CAST: variants seen among roughly 807,000 people sequenced by gnomAD.
CAST encodes MIR583 host.
A neutral mutation model predicts 119.6 loss-of-function variants in CAST; 76 were observed. The observed-to-expected ratio is 0.64, with a 90% CI of 0.53 to 0.77. CAST has a LOEUF of 0.77. Ranked by LOEUF, CAST falls within the 30% of genes least tolerant of loss-of-function variation. The pLI, the probability that CAST is intolerant of heterozygous loss-of-function variation, is 0.00. For missense variants in CAST, 953 were observed against 946.5 expected (o/e 1.01, Z -0.09); for synonymous variants, 319 against 331.6 (o/e 0.96, Z 0.41).
At chr5:96,078,564 T>A in the CAST span, among the ~76,000 whole-genome samples, 9 of 152,176 alleles carry the variant, frequency 5.9e-5, no homozygotes, top group Non-Finnish European at 1.0e-4. Context: ...CGGCTAATTT[T>A]TTCATATTTT....
At chr5:96,540,847 T>TATAG (rs1745899390) in intron 1 of CAST, among the ~76,000 whole-genome samples, 2 of 152,188 alleles carry the variant, frequency 1.3e-5, no homozygotes, top group African/African-American at 4.8e-5. Context: ...TCATGCATAG[T>TATAG]ATAGAGGTAT....
the CAST span, among the ~76,000 whole-genome samples, chr5:96,099,995 T>C: frequency 6.6e-6 from 1 of 152,214 alleles, no homozygotes; most frequent in African/African-American, 2.4e-5. Context: ...TATGACTGCC[T>C]TAATTTCAGA....
At chr5:96,548,898 G>A (rs1413299287) in intron 1 of CAST, among the ~76,000 whole-genome samples, 1 of 152,216 alleles carries the variant, frequency 6.6e-6, no homozygotes, top group African/African-American at 2.4e-5. Flanking sequence ...GTTCATAGCT[G>A]TCAGGCAGAG....
At chr5:96,107,169 C>G in the CAST span, among the ~76,000 whole-genome samples, 4 of 151,850 alleles carry the variant, frequency 2.6e-5, no homozygotes, top group African/African-American at 9.7e-5. Flanking sequence ...GGTCTTGACT[C>G]TTTATCCAAT....
the CAST span, among the ~76,000 whole-genome samples, chr5:96,149,190 G>A: frequency 6.6e-6 from 1 of 152,192 alleles, no homozygotes; most frequent in African/African-American, 2.4e-5. Context: ...TGTCTGTGAG[G>A]AAGCTGTGTG....
At position 96,637,414 on chromosome 5, in the gene CAST, A is replaced by G. The variant is rs115258600; in HGVS notation, c.61-38125A>G. Reference sequence around the variant, plus strand: ...TACCTTTCTGGAATGTGGCTTTCCAACATTCCAGTGTTCCATTTTCAGTAA... The same window carrying G: ...TACCTTTCTGGAATGTGGCTTTCCAGCATTCCAGTGTTCCATTTTCAGTAA... On this transcript the variant is annotated intron_variant, in intron 1 of 11. Transcript: ENST00000505143. Among the ~76,000 whole-genome samples, 1,430 of 152,298 alleles carry G rather than the reference A, an allele frequency of 9.4e-3. 33 individuals are homozygous for G. The highest frequency in any genetic ancestry group is 0.032 in the African/African-American group (1,349 of 41,554).
At chr5:96,273,227 T>G in the CAST span, among the ~76,000 whole-genome samples, 2 of 152,194 alleles carry the variant, frequency 1.3e-5, no homozygotes, top group Non-Finnish European at 2.9e-5. Flanking sequence ...TTTTCTATTA[T>G]TGGAATTCAA....
chr5:95,983,874 A>G, the CAST span, among the ~76,000 whole-genome samples: 100 of 152,342 alleles, frequency 6.6e-4, no homozygotes, highest in African/African-American at 2.2e-3. Flanking sequence ...AATTTACAGC[A>G]TACACCAAAA....
chr5:96,215,997 G>A, the CAST span, among the ~76,000 whole-genome samples: 4 of 151,930 alleles, frequency 2.6e-5, no homozygotes, highest in African/African-American at 7.3e-5. Context: ...TAGTAGAGAT[G>A]GGTTTTTTCC....
intron 1 of CAST, among the ~76,000 whole-genome samples, chr5:96,648,755 A>G (rs1748055808): frequency 7.0e-6 from 1 of 143,750 alleles, no homozygotes; most frequent in African/African-American, 2.6e-5. Context: ...GTGTAATAAG[A>G]CACTCGTTCA....
rs566811773 is a variant in CAST at position 96,536,738 on chromosome 5, T to C, written c.60+6858T>C. On this transcript the variant is annotated intron_variant, in intron 1 of 11. Coordinates refer to the CAST transcript ENST00000505143. ...TATGACAGCTTGGAAATTCTAATCA[T>C]AATTTGGGATAATACCATGAGAAAT... Among the ~76,000 whole-genome samples, 16 of 152,344 alleles carry C rather than the reference T, an allele frequency of 1.1e-4. 2 individuals are homozygous for C. Among genetic ancestry groups the C allele is most frequent in the African/African-American group, 3.8e-4 (16 of 41,574 alleles).
the CAST span, among the ~76,000 whole-genome samples, chr5:96,076,245 T>C: frequency 6.6e-6 from 1 of 152,192 alleles, no homozygotes; most frequent in African/African-American, 2.4e-5. Flanking sequence ...TGCATTCTAT[T>C]TGAAAACCAA....
chr5:96,636,330 T>C (rs1343922482), intron 1 of CAST, among the ~76,000 whole-genome samples: 1 of 152,176 alleles, frequency 6.6e-6, no homozygotes, highest in Non-Finnish European at 1.5e-5. Context: ...TCATTACTAG[T>C]GGGAAAAATT....
chr5:96,044,776 T>C, the CAST span, among the ~76,000 whole-genome samples: 1 of 152,208 alleles, frequency 6.6e-6, no homozygotes, highest in Non-Finnish European at 1.5e-5. Flanking sequence ...AATACTGTAC[T>C]GGAATACAGT....
chr5:96,494,962 A>G, the CAST span, among the ~76,000 whole-genome samples: 1 of 149,344 alleles, frequency 6.7e-6, no homozygotes, highest in Non-Finnish European at 1.5e-5. Context: ...CTAAAAATAC[A>G]AAAAAATTAG....
chr5:96,180,022 C>CAA, the CAST span, among the ~76,000 whole-genome samples: 305 of 149,082 alleles, frequency 2.0e-3, 3 homozygotes, highest in African/African-American at 7.1e-3. Context: ...GACTCCATCT[C>CAA]AAAAAGAAAA....
chr5:96,084,804 A>G, the CAST span, among the ~76,000 whole-genome samples: 2 of 152,204 alleles, frequency 1.3e-5, no homozygotes, highest in Admixed American at 6.5e-5. Context: ...GCCCTTGGCT[A>G]GAGGAGGGCA....
chr5:96,585,719 T>G (rs1448747126), intron 1 of CAST, among the ~76,000 whole-genome samples: 1 of 152,186 alleles, frequency 6.6e-6, no homozygotes, highest in Non-Finnish European at 1.5e-5. Flanking sequence ...CATAAAAATC[T>G]GCCAAGGACC....
chr5:96,078,207 G>A, the CAST span, among the ~76,000 whole-genome samples: 2 of 152,062 alleles, frequency 1.3e-5, no homozygotes, highest in Non-Finnish European at 2.9e-5. Context: ...ACCTTCCAGA[G>A]GCCCCATCTC....
Sources: gnomAD v4.1 joint callset for allele counts (sites outside exome capture counted in the v4.1 genomes callset) on GRCh38, gnomAD v4.1.1 for gene constraint, MANE v1.5 for transcripts, NCBI Gene and HGNC (gene_info 2026-07-23, HGNC 2026-07-21) for gene names.